The following PRKAR2B variants were observed in gnomAD, a reference collection of about 807,000 sequenced individuals.
PRKAR2B encodes the protein cAMP-dependent protein kinase type II-beta regulatory subunit.
In PRKAR2B, 14 loss-of-function variants were observed where a neutral mutation model predicts 49.9. The observed-to-expected ratio is 0.28, with a 90% CI of 0.19 to 0.44. The LOEUF (loss-of-function observed/expected upper bound fraction) is 0.44, where lower values mean the gene tolerates loss of function less well. PRKAR2B is among the 20% of genes least tolerant of loss of function. The pLI, the probability that PRKAR2B is intolerant of heterozygous loss-of-function variation, is 1.00. For missense variants in PRKAR2B, 393 were observed against 537.9 expected, an observed-to-expected ratio of 0.73 and a Z score of 2.67; for synonymous variants, 196 against 197.7, an observed-to-expected ratio of 0.99 and a Z score of 0.07.
At chr7:107,085,201 G>A (rs1459730613) in intron 2 of PRKAR2B, among the ~76,000 whole-genome samples, 1 of 152,090 alleles carries the variant, frequency 6.6e-6, no homozygotes, top group Non-Finnish European at 1.5e-5. Flanking sequence ...GTGAGGAGAG[G>A]GAGGAATATA....
chr7:107,145,144 T>C (rs1385825311), intron 5 of PRKAR2B, among the ~76,000 whole-genome samples: 2 of 152,216 alleles, frequency 1.3e-5, no homozygotes, highest in Non-Finnish European at 2.9e-5. Context: ...GGGGTTGATC[T>C]AAAGTAAAGG....
chr7:107,088,710 C>T (rs1794666596), intron 2 of PRKAR2B, among the ~76,000 whole-genome samples: 1 of 152,112 alleles, frequency 6.6e-6, no homozygotes, highest in Non-Finnish European at 1.5e-5. Flanking sequence ...GATGATCCTC[C>T]TGCCTCAGCC....
intron 2 of PRKAR2B, among the ~76,000 whole-genome samples, chr7:107,110,046 C>T (rs1795144524): frequency 6.6e-6 from 1 of 152,182 alleles, no homozygotes; most frequent in Non-Finnish European, 1.5e-5. Flanking sequence ...CCAGCACCAC[C>T]CCTCCACCAT....
chr7:107,101,609 GCT>G, intron 2 of PRKAR2B, among the ~76,000 whole-genome samples: 1 of 152,250 alleles, frequency 6.6e-6, no homozygotes, highest in South Asian at 2.1e-4. Flanking sequence ...CAAGCGTCAG[GCT>G]CTCTAAGCTT....
chr7:107,069,477 A>G (rs1018528967), intron 1 of PRKAR2B: 1 of 152,234 alleles, frequency 6.6e-6, no homozygotes, highest in East Asian at 1.9e-4. Context: ...AAAATACTGC[A>G]TAGTACATTG....
chr7:107,096,397 A>C (rs1340179147), intron 2 of PRKAR2B, among the ~76,000 whole-genome samples: 1 of 149,600 alleles, frequency 6.7e-6, no homozygotes, highest in African/African-American at 2.5e-5. Flanking sequence ...TCTCTCTTTT[A>C]TTCTTTGTTA....
intron 6 of PRKAR2B, 74 bp downstream of exon 6, chr7:107,146,535 A>G (rs1302075041): frequency 2.7e-6 from 4 of 1,474,148 alleles, no homozygotes; most frequent in Non-Finnish European, 3.7e-6. Context: ...AAATTGCCGC[A>G]TGTAGTATTT....
At chr7:107,092,245 T>TTGTGTGTGTGTGTGCG (rs1554366447) in intron 2 of PRKAR2B, among the ~76,000 whole-genome samples, 1 of 148,288 alleles carries the variant, frequency 6.7e-6, no homozygotes, top group Non-Finnish European at 1.5e-5. Flanking sequence ...AACCATTAAG[T>TTGTGTGTGTGTGTGCG]TGTGTGTGTG....
chr7:107,067,499 C>G (rs183967753), intron 1 of PRKAR2B, among the ~76,000 whole-genome samples: 1 of 152,278 alleles, frequency 6.6e-6, no homozygotes, highest in African/African-American at 2.4e-5. Context: ...CATAGACTTA[C>G]AACCTGTCTA....
At chr7:107,137,571 A>C (rs1350996019) in intron 4 of PRKAR2B, among the ~76,000 whole-genome samples, 1 of 152,234 alleles carries the variant, frequency 6.6e-6, no homozygotes, top group Non-Finnish European at 1.5e-5. Flanking sequence ...CTAGAAAAGG[A>C]ACAGTGAGGT....
chr7:107,073,467 G>A (rs1218085928), intron 2 of PRKAR2B, among the ~76,000 whole-genome samples: 1 of 152,080 alleles, frequency 6.6e-6, no homozygotes, highest in Non-Finnish European at 1.5e-5. Flanking sequence ...ATCTTACTTG[G>A]TACAGGAGTG....
At chr7:107,095,181 T>C (rs187646340) in intron 2 of PRKAR2B, among the ~76,000 whole-genome samples, 3,796 of 152,284 alleles carry the variant, frequency 0.025, 68 homozygotes, top group Non-Finnish European at 0.037. Flanking sequence ...TTTTATTTCG[T>C]TGAGCAGTGG....
In PRKAR2B at chr7:107,070,327, T is replaced by C; in HGVS notation, c.343+11T>C. ...CAAGGCGTGCCTCAGGTAAGTCTGA[T>C]TATATTATGGATTTTGTTTATTAAT... On this transcript the variant is annotated intron_variant, in intron 2 of 10. Coordinates refer to ENST00000265717, the MANE Select transcript of PRKAR2B (RefSeq NM_002736.3). The C allele has an allele frequency of 1.3e-6, 2 of 1,595,298 alleles. No homozygotes were observed. The highest frequency in any genetic ancestry group is 1.7e-6 in the Non-Finnish European group (2 of 1,165,330).
Position 107,121,936 on chromosome 7 carries a change from A to G in PRKAR2B, c.344-16A>G, listed in dbSNP as rs1424854527. 2.6e-6 allele frequency: 4 copies of G among 1,538,924 alleles called. No individual in the cohort carries two copies. Among genetic ancestry groups the G allele is most frequent in the Non-Finnish European group, 3.6e-6 (4 of 1,122,536 alleles). On this transcript the variant is annotated splice_polypyrimidine_tract_variant and intron_variant, in intron 2 of 10. Coordinates refer to ENST00000265717, the MANE Select transcript of PRKAR2B (RefSeq NM_002736.3). The stretch of plus-strand genomic sequence containing the variant: ...TGATGAAACAATCTTTAAGATGTTC[A>G]TTTTTGTTTTTATAGTATGTGCAGA...
intron 2 of PRKAR2B, among the ~76,000 whole-genome samples, chr7:107,100,217 C>G (rs1028714670): frequency 2.0e-5 from 3 of 152,060 alleles, no homozygotes; most frequent in Admixed American, 6.5e-5. Flanking sequence ...TCAGTGTTAT[C>G]TATCTGGACA....
In PRKAR2B at chr7:107,140,838, T is replaced by A. The variant is rs1012774302; in HGVS notation, c.481-9T>A. The A allele has an allele frequency of 3.1e-5, 49 of 1,593,954 alleles. No homozygotes were observed. The highest frequency in any genetic ancestry group is 4.2e-5 in the Non-Finnish European group (49 of 1,168,144). On this transcript the variant is annotated splice_polypyrimidine_tract_variant and intron_variant, in intron 4 of 10. Coordinates refer to ENST00000265717, the MANE Select transcript of PRKAR2B (RefSeq NM_002736.3). ...CATAAAGATTATATCCCATCTTTTT[T>A]AAAAATAGGAGCAGATGTCTCAAGT...
intron 2 of PRKAR2B, among the ~76,000 whole-genome samples, chr7:107,089,818 C>G (rs1794685511): frequency 6.6e-6 from 1 of 152,196 alleles, no homozygotes; most frequent in African/African-American, 2.4e-5. Context: ...CACAGATAAG[C>G]AGATAAAACA....
intron 2 of PRKAR2B, among the ~76,000 whole-genome samples, chr7:107,101,898 T>C (rs866166829): frequency 2.6e-4 from 27 of 104,902 alleles, no homozygotes; most frequent in Non-Finnish European, 4.7e-4. Context: ...TTTTTTTTTT[T>C]CCAGTTTTGT....
Position 107,160,772 on chromosome 7 carries a change from G to GTAGA in PRKAR2B, c.*1191_*1194dup, listed in dbSNP as rs1274767865. ...CATTAGGCCTTGCCATTGCTTTAAT[G>GTAGA]TAGACTCATAGTTGAAATTAGTGCA... is the stretch of plus-strand genomic sequence containing the variant. On this transcript the variant is annotated 3_prime_UTR_variant, in exon 11 of 11. Transcript: ENST00000265717. 2.0e-5 allele frequency: 3 copies of GTAGA among 152,096 alleles called. No individual in the cohort carries two copies. The allele number at this position is 152,096 out of a possible 1,614,324, so 9.4% of individuals were successfully genotyped here.
Sources: allele counts gnomAD v4.1 joint callset (sites outside exome capture counted in the v4.1 genomes callset), GRCh38; gene constraint gnomAD v4.1.1; transcripts MANE v1.5; gene names NCBI Gene and HGNC (gene_info 2026-07-23, HGNC 2026-07-21).